RIC3: variants seen among roughly 807,000 people sequenced by gnomAD.
RIC3 encodes protein RIC-3.
In RIC3, 28 loss-of-function variants were observed where a neutral mutation model predicts 27.3. The ratio of observed to expected loss-of-function variants is 1.02; its 90% CI spans 0.76 to 1.41. RIC3 has a LOEUF of 1.41. RIC3 is among the 40% of genes most tolerant of loss of function. RIC3 has a pLI of 0.00. For missense variants in RIC3, 501 were observed against 444.7 expected, an observed-to-expected ratio of 1.13 and a Z score of -1.14; for synonymous variants, 184 against 160.4, an observed-to-expected ratio of 1.15 and a Z score of -1.11.
intron 1 of RIC3, among the ~76,000 whole-genome samples, chr11:8,160,702 G>A (rs909416730): frequency 6.6e-6 from 1 of 152,222 alleles, no homozygotes; most frequent in Non-Finnish European, 1.5e-5. Context: ...AAGAAGAAGA[G>A]TGCAGGGAAA....
chr11:8,098,755 C>A, the RIC3 span: 1 of 1,610,684 alleles, frequency 6.2e-7, no homozygotes, highest in East Asian at 2.2e-5. Context: ...GCCTTTATTT[C>A]AGGTCCAACT....
At chr11:8,113,952 T>G (rs916724968) in intron 5 of RIC3, among the ~76,000 whole-genome samples, 10 of 152,046 alleles carry the variant, frequency 6.6e-5, no homozygotes, top group Admixed American at 1.3e-4. Flanking sequence ...TGGGATAGCC[T>G]CTCTGCACAA....
chr11:8,122,258 C>G (rs752238630), intron 5 of RIC3, among the ~76,000 whole-genome samples: 1 of 152,150 alleles, frequency 6.6e-6, no homozygotes. Context: ...ACTCCTATTC[C>G]CCTCTTAACT....
chr11:8,149,397 G>T (rs1286735068), intron 1 of RIC3, among the ~76,000 whole-genome samples: 1 of 151,914 alleles, frequency 6.6e-6, no homozygotes, highest in Non-Finnish European at 1.5e-5. Flanking sequence ...AGGGAAGTAA[G>T]AAGAGATAAG....
intron 4 of RIC3, among the ~76,000 whole-genome samples, chr11:8,128,558 C>A (rs750516044): frequency 2.6e-4 from 40 of 152,048 alleles, no homozygotes; most frequent in Admixed American, 1.1e-3. Context: ...ATCATCTCAA[C>A]TTGGTTTGAT....
the RIC3 span, chr11:8,097,764 C>T: frequency 6.2e-7 from 1 of 1,614,154 alleles, no homozygotes; most frequent in Non-Finnish European, 8.5e-7. Flanking sequence ...CTTCCAATTA[C>T]CTCATCTCTG....
chr11:8,103,032 T>C (rs1034527966), downstream of RIC3: 3 of 152,290 alleles, frequency 2.0e-5, no homozygotes, highest in African/African-American at 7.2e-5. Flanking sequence ...CTGTTGAAAG[T>C]TGTCTGGCTT....
chr11:8,095,448 C>T, the RIC3 span: 1 of 1,553,048 alleles, frequency 6.4e-7, no homozygotes, highest in Non-Finnish European at 8.7e-7. Flanking sequence ...AGAATCCAGG[C>T]CCTCCTCTCC....
intron 4 of RIC3, among the ~76,000 whole-genome samples, chr11:8,133,830 T>G (rs1311998099): frequency 6.6e-6 from 1 of 152,156 alleles, no homozygotes; most frequent in Non-Finnish European, 1.5e-5. Flanking sequence ...GTACATGGAC[T>G]GAATGGTGGA....
rs1270984477 is a variant in RIC3 at position 8,109,999 on chromosome 11, G to GCTT, written c.*698_*699insAAG. 1 of 154,028 alleles carries GCTT rather than the reference G, an allele frequency of 6.5e-6. No individual in the cohort carries two copies. Among genetic ancestry groups the GCTT allele is most frequent in the East Asian group, 1.9e-4 (1 of 5,214 alleles). The allele number at this position is 154,028 out of a possible 1,614,324, so 9.5% of individuals were successfully genotyped here. A position where few individuals can be genotyped will look rare whatever the true frequency, so the allele number is the denominator to read the frequency against. ...CTTGGCAGTTCTGTTAAGCAGAACA[G>GCTT]GGGTAAAGGAAGCTAGATATCCAGG... is the stretch of plus-strand genomic sequence containing the variant. On this transcript the variant is annotated 3_prime_UTR_variant, in exon 6 of 6. Transcript: ENST00000309737.
intron 4 of RIC3, among the ~76,000 whole-genome samples, chr11:8,128,874 C>T (rs1947325698): frequency 6.6e-6 from 1 of 151,454 alleles, no homozygotes; most frequent in Admixed American, 6.6e-5. Flanking sequence ...CCTGCCTCAG[C>T]CTCCCGCATA....
At chr11:8,136,925 A>C (rs1440389281) in intron 4 of RIC3, among the ~76,000 whole-genome samples, 1 of 152,252 alleles carries the variant, frequency 6.6e-6, no homozygotes, top group African/African-American at 2.4e-5. Flanking sequence ...TAAATGATAA[A>C]GAATACGTAA....
At chr11:8,138,378 C>T (rs374709139) in intron 2 of RIC3, 31 bp from the exon 3 acceptor site, 6 of 1,450,800 alleles carry the variant, frequency 4.1e-6, no homozygotes, top group Admixed American at 1.7e-5. Context: ...AGCACATCAA[C>T]AGCAGCTCAG....
chr11:8,100,996 C>T, the RIC3 span: 653 of 1,614,148 alleles, frequency 4.0e-4, 1 homozygote, highest in Middle Eastern at 4.9e-3. Context: ...ATGGCAATGA[C>T]CGTGAGTGTT....
chr11:8,136,852 A>G (rs1948479019), intron 4 of RIC3, among the ~76,000 whole-genome samples: 1 of 152,216 alleles, frequency 6.6e-6, no homozygotes, highest in Non-Finnish European at 1.5e-5. Context: ...TCACTTTCAC[A>G]ATAATTTGCA....
chr11:8,161,829 T>G (rs1263566398), intron 1 of RIC3, among the ~76,000 whole-genome samples: 2 of 152,092 alleles, frequency 1.3e-5, no homozygotes, highest in Non-Finnish European at 1.5e-5. Flanking sequence ...CACACACGTA[T>G]ATAAATGAGA....
chr11:8,130,807 C>T (rs912270142), intron 4 of RIC3, among the ~76,000 whole-genome samples: 1 of 151,748 alleles, frequency 6.6e-6, no homozygotes, highest in Admixed American at 6.6e-5. Context: ...AAGTATATGC[C>T]AAGTCCAGAG....
chr11:8,100,440 C>A, the RIC3 span: 2 of 1,316,596 alleles, frequency 1.5e-6, no homozygotes, highest in Middle Eastern at 2.0e-4. Flanking sequence ...TTCCCGTCCC[C>A]CCCACCTTCT....
downstream of RIC3, among the ~76,000 whole-genome samples, chr11:8,101,231 C>CTTTAAAAGTTCTTTAAAGG (rs1944287053): frequency 6.6e-6 from 1 of 152,212 alleles, no homozygotes; most frequent in Non-Finnish European, 1.5e-5. Flanking sequence ...GGCACGGGAA[C>CTTTAAAAGTTCTTTAAAGG]ACCCTTTAAA....
Sources: gnomAD v4.1 joint callset for allele counts (sites outside exome capture counted in the v4.1 genomes callset) on GRCh38, gnomAD v4.1.1 for gene constraint, MANE v1.5 for transcripts, NCBI Gene and HGNC (gene_info 2026-07-23, HGNC 2026-07-21) for gene names.